ITPR3: variants seen among roughly 807,000 people sequenced by gnomAD.
ITPR3 encodes the protein inositol 1,4,5-trisphosphate receptor type 3, also known as inositol 1,4,5-trisphosphate-gated calcium channel ITPR3.
A neutral mutation model predicts 293.2 loss-of-function variants in ITPR3; 173 were observed. The ratio of observed to expected loss-of-function variants is 0.59; its 90% CI spans 0.52 to 0.67. ITPR3 has a LOEUF of 0.67. Among genes scored for constraint, ITPR3 ranks in the 30% least tolerant of loss-of-function variants. ITPR3 has a pLI of 0.00. For missense variants in ITPR3, 2,796 were observed against 3,592.1 expected, an observed-to-expected ratio of 0.78 and a Z score of 5.66; for synonymous variants, 1,295 against 1,444.4, an observed-to-expected ratio of 0.90 and a Z score of 2.35.
In ITPR3 at chr6:33,633,358, A is replaced by C. The variant is rs1382830931; in HGVS notation, c.90-7126A>C. ...GAGAGGGGGGTGAAGCGAAGCGGCC[A>C]CTTACCCCTGTAGAGCGCGGCTCTG... On this transcript the variant is annotated intron_variant, in intron 1 of 57. Transcript: ENST00000605930. The surrounding 1 kb of genome is among the most constrained non-coding windows in gnomAD (Gnocchi z 5.2). 6.6e-6 allele frequency among the ~76,000 whole-genome samples: 1 copy of C among 152,194 alleles called. No homozygotes were observed. Among genetic ancestry groups the C allele is most frequent in the Non-Finnish European group, 1.5e-5 (1 of 68,018 alleles).
rs1221788158 is a variant in ITPR3 at position 33,686,536 on chromosome 6, GGT to G, written c.5979+23_5979+24del. 8.2e-6 allele frequency: 13 copies of G among 1,584,368 alleles called. No individual in the cohort carries two copies. Among genetic ancestry groups the G allele is most frequent in the Non-Finnish European group, 1.1e-5 (13 of 1,152,936 alleles). On this transcript the variant is annotated intron_variant, in intron 43 of 57. Coordinates refer to ENST00000605930, the MANE Select transcript of ITPR3 (RefSeq NM_002224.4). The stretch of plus-strand genomic sequence containing the variant: ...CAGCTCAAGGTGGGGCCCAGTGGCA[GGT>G]GTGTGAGTGCTGGGTGTGCATGTGA...
intron 43 of ITPR3, among the ~76,000 whole-genome samples, chr6:33,686,743 T>C (rs533909470): frequency 7.1e-4 from 108 of 152,312 alleles, no homozygotes; most frequent in African/African-American, 2.5e-3. Context: ...GATGCAAATA[T>C]ATTCTGGTTT....
rs1202425586 is a variant in ITPR3 at position 33,679,066 on chromosome 6, CTAGCAG to C, written c.3972+228_3972+233del. Among the ~76,000 whole-genome samples, 3 of 152,240 alleles carry C rather than the reference CTAGCAG, an allele frequency of 2.0e-5. No individual in the cohort carries two copies. Among genetic ancestry groups the C allele is most frequent in the African/African-American group, 7.2e-5 (3 of 41,468 alleles). ...GCAGGGTCCCAGTAGCATCAGGCAC[CTAGCAG>C]AACTCAGACAACAGGCCAGAAAGAA... On this transcript the variant is annotated intron_variant, in intron 30 of 57. Coordinates refer to ENST00000605930, the MANE Select transcript of ITPR3 (RefSeq NM_002224.4). The surrounding 1 kb of genome is among the most constrained non-coding windows in gnomAD (Gnocchi z 4.2).
intron 1 of ITPR3, among the ~76,000 whole-genome samples, chr6:33,636,025 G>T (rs1223240153): frequency 6.7e-6 from 1 of 150,316 alleles, no homozygotes; most frequent in Admixed American, 6.7e-5. Context: ...GGTGGCTCAC[G>T]CCTGGAATCC....
At position 33,695,922 on chromosome 6, in the gene ITPR3, C is replaced by T. The variant is rs1029911302; in HGVS notation, c.*142C>T. 2 of 726,274 alleles carry T rather than the reference C, an allele frequency of 2.8e-6. No individual in the cohort carries two copies. Among genetic ancestry groups the T allele is most frequent in the Non-Finnish European group, 4.7e-6 (2 of 424,364 alleles). 45.0% of individuals were successfully genotyped at this position (726,274 alleles called of 1,614,324 possible). A position where few individuals can be genotyped will look rare whatever the true frequency, so the allele number is the denominator to read the frequency against. On this transcript the variant is annotated 3_prime_UTR_variant, in exon 58 of 58. Transcript: ENST00000605930. ...ACTCTGCCAGACACCCTGACACCCA[C>T]CCAGGCTTTGAAGAGCATGGAGGGG... is the stretch of plus-strand genomic sequence containing the variant.
chr6:33,661,112 T>C (rs769480287), intron 7 of ITPR3, among the ~76,000 whole-genome samples: 5 of 152,226 alleles, frequency 3.3e-5, no homozygotes, highest in Admixed American at 2.0e-4. Flanking sequence ...TGCCCTGCGC[T>C]ACTGGGGCAC....
intron 39 of ITPR3, 23 bp from the exon 40 acceptor site, chr6:33,685,336 C>T (rs759755458): frequency 1.2e-6 from 2 of 1,600,504 alleles, no homozygotes; most frequent in Admixed American, 1.7e-5. Flanking sequence ...TGAGGTTGTT[C>T]CCTGGCCACT....
intron 2 of ITPR3, among the ~76,000 whole-genome samples, chr6:33,653,698 A>G (rs1351416487): frequency 6.6e-6 from 1 of 152,206 alleles, no homozygotes; most frequent in Non-Finnish European, 1.5e-5. Context: ...GGCATCACCC[A>G]GGATAATCTC....
At chr6:33,628,940 T>C (rs576530834) in intron 1 of ITPR3, among the ~76,000 whole-genome samples, 2 of 152,190 alleles carry the variant, frequency 1.3e-5, no homozygotes, top group South Asian at 4.1e-4. Flanking sequence ...AGTCTAGAAA[T>C]AGATGATGGG....
At chr6:33,673,515 C>T (rs1361924274) in intron 22 of ITPR3, 76 bp from the exon 23 acceptor site, 5 of 1,575,242 alleles carry the variant, frequency 3.2e-6, no homozygotes, top group Non-Finnish European at 4.3e-6. Context: ...CCCTGCCCCC[C>T]ATAAAGTAGG....
At position 33,677,619 on chromosome 6, in the gene ITPR3, C is replaced by T; in HGVS notation, c.3638C>T (p.Pro1213Leu). The change falls in exon 28 of 58, where the codon CCC becomes CTC. Residue 1213 changes from proline to leucine, a missense_variant. By Grantham distance (98) the Pro-to-Leu change is moderately conservative. Transcript: ENST00000605930. ...GTCATGCTGGACCTGCTGCAGATCC[C>T]CTATGACAAGGTGGCTCTGACTTCT... is the stretch of plus-strand genomic sequence containing the variant. ...HKVMLDLLQI[P>L]YDKGDAKMME... 3.1e-6 allele frequency: 5 copies of T among 1,613,708 alleles called. No individual in the cohort carries two copies. Among genetic ancestry groups the T allele is most frequent in the East Asian group, 2.2e-5 (1 of 44,868 alleles).
At chr6:33,625,548 C>T (rs374813065) in intron 1 of ITPR3, among the ~76,000 whole-genome samples, 1 of 152,222 alleles carries the variant, frequency 6.6e-6, no homozygotes, top group South Asian at 2.1e-4. Flanking sequence ...TATGAGTACC[C>T]AGAGAGGTAG....
intron 1 of ITPR3, among the ~76,000 whole-genome samples, chr6:33,630,622 G>T (rs527238372): frequency 1.4e-4 from 22 of 152,294 alleles, no homozygotes; most frequent in Admixed American, 3.9e-4. Context: ...TTGTCAGACA[G>T]CCCGCCTGAC....
intron 2 of ITPR3, among the ~76,000 whole-genome samples, chr6:33,641,570 G>C (rs1488051899): frequency 6.6e-6 from 1 of 152,104 alleles, no homozygotes; most frequent in African/African-American, 2.4e-5. Flanking sequence ...GGCTGGTGGA[G>C]GTCTTAGGTG....
At chr6:33,681,377 G>T (rs1479996352) in intron 33 of ITPR3, among the ~76,000 whole-genome samples, 1 of 152,192 alleles carries the variant, frequency 6.6e-6, no homozygotes, top group African/African-American at 2.4e-5. Flanking sequence ...AGGATCCTTC[G>T]TGCTGGCTAG....
chr6:33,638,984 G>A lies in ITPR3; in HGVS notation c.90-1500G>A, dbSNP rs1763886082. 6.6e-6 allele frequency among the ~76,000 whole-genome samples: 1 copy of A among 152,238 alleles called. No individual in the cohort carries two copies. The highest frequency in any genetic ancestry group is 2.1e-4 in the South Asian group (1 of 4,838). ...GCAGGCTGCCAGGACTGCCTCTGGA[G>A]AGATGAGAGCTCCAGGGACCTTGGG... On this transcript the variant is annotated intron_variant, in intron 1 of 57. Coordinates refer to ENST00000605930, the MANE Select transcript of ITPR3 (RefSeq NM_002224.4). This position sits in a 1 kb window ranked among gnomAD's most constrained non-coding sequence, Gnocchi z 4.3.
In ITPR3 at chr6:33,695,908, C is replaced by A; in HGVS notation, c.*128C>A. ...CAGCCTCCACTCCCACTCTGCCAGA[C>A]ACCCTGACACCCACCCAGGCTTTGA... is the stretch of plus-strand genomic sequence containing the variant. On this transcript the variant is annotated 3_prime_UTR_variant, in exon 58 of 58. Coordinates refer to ENST00000605930, the MANE Select transcript of ITPR3 (RefSeq NM_002224.4). 1 of 774,476 alleles carries A rather than the reference C, an allele frequency of 1.3e-6. No homozygotes were observed. Among genetic ancestry groups the A allele is most frequent in the Non-Finnish European group, 2.2e-6 (1 of 460,008 alleles). The allele number at this position is 774,476 out of a possible 1,614,324, so 48.0% of individuals were successfully genotyped here. A position where few individuals can be genotyped will look rare whatever the true frequency, so the allele number is the denominator to read the frequency against.
In ITPR3 at chr6:33,682,232, C is replaced by T. The variant is rs1765096209; in HGVS notation, c.4477-292C>T. On this transcript the variant is annotated intron_variant, in intron 33 of 57. Coordinates refer to ENST00000605930, the MANE Select transcript of ITPR3 (RefSeq NM_002224.4). This position sits in a 1 kb window ranked among gnomAD's most constrained non-coding sequence, Gnocchi z 5.4. ...TTTTGGTTTTTCAACCATGTAAATC[C>T]ATCACCTTTTTATGACATTAATTTT... 6.6e-6 allele frequency among the ~76,000 whole-genome samples: 1 copy of T among 152,204 alleles called. No individual in the cohort carries two copies. Among genetic ancestry groups the T allele is most frequent in the Admixed American group, 6.5e-5 (1 of 15,282 alleles).
chr6:33,685,950 T>C, intron 41 of ITPR3, 103 bp from the exon 42 acceptor site: 1 of 1,518,308 alleles, frequency 6.6e-7, no homozygotes, highest in Non-Finnish European at 9.0e-7. Context: ...GCTTTGTGGC[T>C]GGTGGTTCCC....
Sources: gnomAD v4.1 joint callset for allele counts (sites outside exome capture counted in the v4.1 genomes callset) on GRCh38, gnomAD v4.1.1 for gene constraint, Gnocchi (gnomAD v3.1) non-coding constraint, MANE v1.5 for transcripts, NCBI Gene and HGNC (gene_info 2026-07-23, HGNC 2026-07-21) for gene names.